The following STRN variants were observed in gnomAD, a reference collection of about 807,000 sequenced individuals.
STRN encodes the protein striatin.
A neutral mutation model predicts 96.3 loss-of-function variants in STRN; 53 were observed. The ratio of observed to expected loss-of-function variants is 0.55; its 90% confidence interval spans 0.44 to 0.69. The LOEUF (loss-of-function observed/expected upper bound fraction) is 0.69. STRN is among the 30% of genes least tolerant of loss of function. The pLI is 0.00. For synonymous variants in STRN, 428 were observed against 355.9 expected (o/e 1.20, Z -2.28); for missense variants, 987 against 963.9 (o/e 1.02, Z -0.32).
rs888889228 is a variant in STRN at position 36,846,430 on chromosome 2, G to T, written c.*3026C>A. ...ATATATATATATATATATATATATAGTTTATATATTATATATATTCTTACA... is the reference window on the plus strand; with the variant it reads ...ATATATATATATATATATATATATATTTTATATATTATATATATTCTTACA... On this transcript the variant is annotated 3_prime_UTR_variant, in exon 18 of 18. Transcript: ENST00000263918. 1,716 of 62,374 alleles carry T rather than the reference G, an allele frequency of 0.028. 32 individuals are homozygous for T. The highest frequency in any genetic ancestry group is 0.097 in the African/African-American group (1,231 of 12,694). 3.9% of individuals were successfully genotyped at this position (62,374 alleles called of 1,614,324 possible).
intron 5 of STRN, 93 bp from the exon 6 acceptor site, chr2:36,899,751 T>A: frequency 8.5e-7 from 1 of 1,171,434 alleles, no homozygotes; most frequent in Non-Finnish European, 1.2e-6. Context: ...TCTATTTATA[T>A]GGTAACTATA....
intron 7 of STRN, among the ~76,000 whole-genome samples, chr2:36,893,181 C>A (rs1229339436): frequency 6.6e-6 from 1 of 152,108 alleles, no homozygotes; most frequent in Non-Finnish European, 1.5e-5. Flanking sequence ...TCAGTCCTGG[C>A]TATAAGCCTT....
At chr2:36,938,368 G>A (rs1670759099) in intron 1 of STRN, among the ~76,000 whole-genome samples, 1 of 151,846 alleles carries the variant, frequency 6.6e-6, no homozygotes, top group Admixed American at 6.6e-5. Flanking sequence ...AGAGGTTGCA[G>A]GGAGCCAAGA....
chr2:36,867,589 C>T (rs537037713), intron 12 of STRN: 9 of 317,130 alleles, frequency 2.8e-5, no homozygotes, highest in East Asian at 1.5e-4. Context: ...GATATAAATA[C>T]GTACCTCACT....
At chr2:36,957,268 C>A (rs1572701237) in intron 1 of STRN, among the ~76,000 whole-genome samples, 1 of 152,136 alleles carries the variant, frequency 6.6e-6, no homozygotes, top group Non-Finnish European at 1.5e-5. Flanking sequence ...CTGGGTGGCC[C>A]AAACATCTTA....
At chr2:36,878,202 C>T (rs1277475613) in intron 9 of STRN, among the ~76,000 whole-genome samples, 175 bp from the exon 10 acceptor site, 1 of 152,118 alleles carries the variant, frequency 6.6e-6, no homozygotes, top group Non-Finnish European at 1.5e-5. Flanking sequence ...TTGCTTTTTC[C>T]ATATCTTAAC....
At chr2:36,933,085 C>CAT (rs398090259) in intron 1 of STRN, among the ~76,000 whole-genome samples, 5 of 150,818 alleles carry the variant, frequency 3.3e-5, no homozygotes, top group Admixed American at 6.6e-5. Flanking sequence ...CACACACACA[C>CAT]ATATATATGC....
chr2:36,905,471 A>C, intron 4 of STRN, 69 bp downstream of exon 4: 1 of 1,364,486 alleles, frequency 7.3e-7, no homozygotes, highest in Non-Finnish European at 1.0e-6. Context: ...GAAAATACAC[A>C]GTAAAAATAA....
intron 2 of STRN, among the ~76,000 whole-genome samples, chr2:36,922,049 G>A (rs994526130): frequency 1.3e-5 from 2 of 152,038 alleles, no homozygotes; most frequent in African/African-American, 4.8e-5. Flanking sequence ...CTTGCTCTTA[G>A]GAAATATACA....
intron 2 of STRN, among the ~76,000 whole-genome samples, chr2:36,916,595 T>A (rs910646941): frequency 1.3e-5 from 2 of 152,168 alleles, no homozygotes; most frequent in African/African-American, 4.8e-5. Flanking sequence ...TACAATATTA[T>A]ATGACTTGTC....
intron 10 of STRN, among the ~76,000 whole-genome samples, chr2:36,876,540 C>T (rs918756525): frequency 3.3e-5 from 5 of 152,012 alleles, no homozygotes; most frequent in Non-Finnish European, 7.4e-5. Context: ...TGGAGTGCTT[C>T]TTTACCGTAC....
At chr2:36,962,364 C>A (rs1390475417) in intron 1 of STRN, among the ~76,000 whole-genome samples, 1 of 152,074 alleles carries the variant, frequency 6.6e-6, no homozygotes, top group Non-Finnish European at 1.5e-5. Context: ...ACACACCACA[C>A]ACATATCAAA....
chr2:36,939,531 A>G (rs1263217189), intron 1 of STRN, among the ~76,000 whole-genome samples: 1 of 151,966 alleles, frequency 6.6e-6, no homozygotes, highest in Admixed American at 6.6e-5. Flanking sequence ...TTCAACATCT[A>G]TTCTTTCCTT....
chr2:36,961,925 G>C (rs1665039109), intron 1 of STRN, among the ~76,000 whole-genome samples: 1 of 152,056 alleles, frequency 6.6e-6, no homozygotes, highest in Admixed American at 6.6e-5. Context: ...TGTTCCTTCT[G>C]TGTAGAAAGC....
chr2:36,884,120 G>C (rs1039212767), intron 8 of STRN, 45 bp from the exon 9 acceptor site: 2 of 1,305,974 alleles, frequency 1.5e-6, no homozygotes, highest in Admixed American at 3.1e-5. Context: ...AAAGAGAAAA[G>C]AGAATTATCC....
rs1668009186 is a variant in STRN, at chr2:36,844,099, A to C, written c.*5357T>G. ...AGTCAACTGAACTTGAGAAAACATAAAGTAACCAGCAGATTTCAATATTAA... is the reference window on the plus strand; with the variant it reads ...AGTCAACTGAACTTGAGAAAACATACAGTAACCAGCAGATTTCAATATTAA... On this transcript the variant is annotated 3_prime_UTR_variant, in exon 18 of 18. Transcript: ENST00000263918. The C allele has an allele frequency of 6.6e-6, 1 of 152,134 alleles. No individual in the cohort carries two copies. Among genetic ancestry groups the C allele is most frequent in the Non-Finnish European group, 1.5e-5 (1 of 68,016 alleles). 9.4% of individuals were successfully genotyped at this position (152,134 alleles called of 1,614,324 possible).
At chr2:36,937,889 G>A (rs559638885) in intron 1 of STRN, among the ~76,000 whole-genome samples, 14 of 152,054 alleles carry the variant, frequency 9.2e-5, no homozygotes, top group African/African-American at 3.1e-4. Flanking sequence ...TTCTTTAAAA[G>A]GACTTCATTA....
chr2:36,937,992 T>C (rs1159563740), intron 1 of STRN, among the ~76,000 whole-genome samples: 2 of 152,144 alleles, frequency 1.3e-5, no homozygotes, highest in African/African-American at 4.8e-5. Context: ...TGATCACATA[T>C]CTAAAGGCCA....
At chr2:36,954,897 C>A (rs1664846923) in intron 1 of STRN, among the ~76,000 whole-genome samples, 1 of 152,090 alleles carries the variant, frequency 6.6e-6, no homozygotes, top group Non-Finnish European at 1.5e-5. Context: ...CCTCAGCCTC[C>A]CAAAGTGCTA....
Sources: allele counts gnomAD v4.1 joint callset (sites outside exome capture counted in the v4.1 genomes callset), GRCh38; gene constraint gnomAD v4.1.1; transcripts MANE v1.5; gene names NCBI Gene and HGNC (gene_info 2026-07-23, HGNC 2026-07-21).